The following DMXL2 variants were observed in gnomAD, a reference collection of about 807,000 sequenced individuals.
DMXL2 encodes dmX-like protein 2.
In DMXL2, 103 loss-of-function variants were observed where a neutral mutation model predicts 331.1. The observed-to-expected ratio is 0.31, with a 90% CI of 0.27 to 0.37. DMXL2 has a LOEUF of 0.37. Ranked by LOEUF, DMXL2 falls within the 10% of genes least tolerant of loss-of-function variation. The pLI, the probability that DMXL2 is intolerant of heterozygous loss-of-function variation, is 1.00. For missense variants in DMXL2, 3,171 were observed against 3,642.9 expected (o/e 0.87, Z 3.33); for synonymous variants, 1,281 against 1,252.1 (o/e 1.02, Z -0.49).
chr15:51,480,723 T>A lies in DMXL2; in HGVS notation c.6383A>T (p.Gln2128Leu). 1 of 1,607,010 alleles carries A rather than the reference T, an allele frequency of 6.2e-7. No individual in the cohort carries two copies. The highest frequency in any genetic ancestry group is 8.5e-7 in the Non-Finnish European group (1 of 1,175,510). The change falls in exon 24 of 44, where the codon CAA (glutamine) becomes CTA (leucine). Residue 2128 changes from glutamine (Q) to leucine (L), a missense_variant. By Grantham distance (113) the Gln-to-Leu change is moderately radical. Transcript: ENST00000560891. ...KPDIGSYERH[Q>L]IERRRLQAKR... ...GGCCTGCAATCTTCTTCTTTCTATT[T>A]GATGGCGCTCATAGGAACCAATATC... is the stretch of plus-strand genomic sequence containing the variant.
Position 51,455,144 on chromosome 15 carries a change from T to C in DMXL2, c.8604+7A>G, listed in dbSNP as rs1480428899. On this transcript the variant is annotated splice_region_variant and intron_variant, in intron 40 of 43. Coordinates refer to ENST00000560891, the MANE Select transcript of DMXL2 (RefSeq NM_001378457.1). The stretch of plus-strand genomic sequence containing the variant: ...TATGCGCCCTGGGAACATTTAGTGA[T>C]ACTTACCATATAAGGTTTAGGATTT... 4 of 1,611,056 alleles carry C rather than the reference T, an allele frequency of 2.5e-6. No individual in the cohort carries two copies. Among genetic ancestry groups the C allele is most frequent in the Non-Finnish European group, 3.4e-6 (4 of 1,177,162 alleles).
intron 33 of DMXL2, among the ~76,000 whole-genome samples, chr15:51,461,216 A>T (rs1228570905): frequency 6.6e-6 from 1 of 152,142 alleles, no homozygotes; most frequent in Non-Finnish European, 1.5e-5. Flanking sequence ...GTTCATGGGG[A>T]CCCACTGCTG....
intron 30 of DMXL2, 86 bp from the exon 31 acceptor site, chr15:51,465,737 C>A: frequency 1.0e-6 from 1 of 968,554 alleles, no homozygotes; most frequent in Non-Finnish European, 1.6e-6. Flanking sequence ...AACTGTTTAG[C>A]CCACTCTCCA....
chr15:51,463,351 A>G, intron 33 of DMXL2, 28 bp downstream of exon 33: 1 of 1,319,956 alleles, frequency 7.6e-7, no homozygotes, highest in Non-Finnish European at 1.1e-6. Context: ...AAGAAAAATT[A>G]CAATAGAAAA....
At chr15:51,515,865 C>T (rs1445721789) in intron 14 of DMXL2, among the ~76,000 whole-genome samples, 1 of 152,116 alleles carries the variant, frequency 6.6e-6, no homozygotes, top group Admixed American at 6.6e-5. Context: ...GGAAGGAAGC[C>T]AACCCACTCT....
intron 26 of DMXL2, among the ~76,000 whole-genome samples, chr15:51,477,065 A>G (rs886876280): frequency 2.6e-5 from 4 of 152,034 alleles, no homozygotes; most frequent in Admixed American, 2.0e-4. Context: ...TGGTACTAGG[A>G]TACAGTAGGC....
chr15:51,574,165 C>T (rs954951604), intron 2 of DMXL2, among the ~76,000 whole-genome samples: 2 of 152,142 alleles, frequency 1.3e-5, no homozygotes, highest in Non-Finnish European at 2.9e-5. Context: ...CTGATGAAGA[C>T]ATCTCCAGAG....
At chr15:51,566,261 G>A (rs1016682983) in intron 3 of DMXL2, among the ~76,000 whole-genome samples, 1 of 149,466 alleles carries the variant, frequency 6.7e-6, no homozygotes, top group East Asian at 1.9e-4. Context: ...GTGTGTGTGT[G>A]TGTGTGTGTG....
At position 51,480,942 on chromosome 15, in the gene DMXL2, A is replaced by C; in HGVS notation, c.6164T>G (p.Leu2055Ter). ...RACLKILMTELRTLATGYEVD... is the reference protein window; with the variant it reads ...RACLKILMTE ...TTCATAACCTGTAGCCAATGTTCTT[A>C]ATTCAGTCATAAGGATCTTTAAACA... Residue 2055 changes from leucine to a stop codon, truncating the protein, a stop_gained, in exon 24 of 44, where the codon TTA becomes TGA. Transcript: ENST00000560891. LOFTEE classifies it high-confidence loss of function. The C allele has an allele frequency of 6.2e-7, 1 of 1,613,752 alleles. No individual in the cohort carries two copies. The highest frequency in any genetic ancestry group is 8.5e-7 in the Non-Finnish European group (1 of 1,179,800).
chr15:51,500,393 T>C (rs187162544), intron 17 of DMXL2, among the ~76,000 whole-genome samples, 162 bp from the exon 18 acceptor site: 39 of 152,338 alleles, frequency 2.6e-4, no homozygotes, highest in Non-Finnish European at 2.9e-5. Context: ...TAAATGTCCA[T>C]TGGCCAACAT....
intron 1 of DMXL2, among the ~76,000 whole-genome samples, chr15:51,612,595 T>C (rs2054046291): frequency 6.6e-6 from 1 of 151,270 alleles, no homozygotes; most frequent in African/African-American, 2.4e-5. Flanking sequence ...GGGGAGGGAG[T>C]GTACGAATAG....
chr15:51,450,546 C>A, intron 42 of DMXL2, 200 bp from the exon 43 acceptor site: 1 of 578,846 alleles, frequency 1.7e-6, no homozygotes, highest in Non-Finnish European at 3.0e-6. Context: ...AACTTTTTAT[C>A]CATAATCTCA....
At chr15:51,487,598 T>C (rs1283293667) in intron 22 of DMXL2, among the ~76,000 whole-genome samples, 2 of 152,184 alleles carry the variant, frequency 1.3e-5, no homozygotes, top group African/African-American at 2.4e-5. Flanking sequence ...GCTGGGACTA[T>C]AGGTATGTGC....
chr15:51,449,220 A>G (rs765048286), intron 43 of DMXL2, 27 bp from the exon 44 acceptor site: 1 of 1,610,810 alleles, frequency 6.2e-7, no homozygotes, highest in South Asian at 1.1e-5. Flanking sequence ...GGAGTTAAAA[A>G]TATATTACGA....
At chr15:51,496,139 T>A (rs2043160600) in intron 18 of DMXL2, among the ~76,000 whole-genome samples, 1 of 152,022 alleles carries the variant, frequency 6.6e-6, no homozygotes, top group Non-Finnish European at 1.5e-5. Context: ...GCCACCATGC[T>A]CATTCGTCCG....
intron 25 of DMXL2, among the ~76,000 whole-genome samples, chr15:51,478,740 A>AT (rs2041784667): frequency 6.6e-6 from 1 of 152,008 alleles, no homozygotes; most frequent in African/African-American, 2.4e-5. Context: ...GCCTCACGAA[A>AT]TTCGCCTTGA....
At chr15:51,492,317 C>T (rs1050938461) in intron 19 of DMXL2, among the ~76,000 whole-genome samples, 1 of 152,218 alleles carries the variant, frequency 6.6e-6, no homozygotes, top group African/African-American at 2.4e-5. Flanking sequence ...TCTCTCTAGC[C>T]ATGGAGCTAA....
rs1230775234 is a variant in DMXL2 at position 51,500,121 on chromosome 15, G to T, written c.3103C>A (p.Pro1035Thr). 1.9e-6 allele frequency: 3 copies of T among 1,613,930 alleles called. No individual in the cohort carries two copies. Among genetic ancestry groups the T allele is most frequent in the Non-Finnish European group, 1.7e-6 (2 of 1,179,972 alleles). ...RFWKCCMEANPECNKSDEKEI... is the reference protein window; with the variant it reads ...RFWKCCMEANTECNKSDEKEI... ...TTCTCATCACTTTTATTACACTCTG[G>T]GTTGGCTTCCATACAACATTTCCAG... The change falls in exon 18 of 44, where the codon CCA becomes ACA. Residue 1035 changes from proline to threonine, a missense_variant. Transcript: ENST00000560891.
intron 16 of DMXL2, among the ~76,000 whole-genome samples, chr15:51,504,530 C>T (rs956590768): frequency 6.6e-6 from 1 of 152,064 alleles, no homozygotes; most frequent in African/African-American, 2.4e-5. Flanking sequence ...TCTGTCTCTC[C>T]CCATTGGACT....
Sources: gnomAD v4.1 joint callset for allele counts (sites outside exome capture counted in the v4.1 genomes callset) on GRCh38, gnomAD v4.1.1 for gene constraint, MANE v1.5 for transcripts, NCBI Gene and HGNC (gene_info 2026-07-23, HGNC 2026-07-21) for gene names.